The following ADGRB3 variants were observed in gnomAD, a reference collection of about 807,000 sequenced individuals.
The protein encoded by ADGRB3 is adhesion G protein-coupled receptor B3, also known as brain-specific angiogenesis inhibitor 3.
A neutral mutation model predicts 193.4 loss-of-function variants in ADGRB3; 37 were observed. The observed-to-expected ratio is 0.19, with a 90% CI of 0.15 to 0.25. The LOEUF (loss-of-function observed/expected upper bound fraction) is 0.25. Among genes scored for constraint, ADGRB3 ranks in the 10% least tolerant of loss-of-function variants. The probability of loss-of-function intolerance (pLI) is 1.00; values close to 1 mark genes in which losing one functional copy is unlikely to be tolerated. For missense variants in ADGRB3, 1,637 were observed against 1,852.9 expected (o/e 0.88, Z 2.14); for synonymous variants, 690 against 644.2 (o/e 1.07, Z -1.08).
chr6:68,674,505 G>A (rs1769039946), intron 3 of ADGRB3, among the ~76,000 whole-genome samples: 1 of 151,972 alleles, frequency 6.6e-6, no homozygotes, highest in Non-Finnish European at 1.5e-5. Context: ...CACTTATTAG[G>A]CGTGACAAAG....
chr6:69,358,865 C>T (rs1769386226), intron 28 of ADGRB3, among the ~76,000 whole-genome samples: 3 of 151,740 alleles, frequency 2.0e-5, no homozygotes, highest in African/African-American at 7.3e-5. Context: ...AGGCATTTCT[C>T]TCGTATAGAG....
chr6:69,015,666 G>A (rs527305563), intron 12 of ADGRB3, among the ~76,000 whole-genome samples: 4 of 152,014 alleles, frequency 2.6e-5, no homozygotes, highest in Admixed American at 2.6e-4. Context: ...ACAGACCTCT[G>A]TGTACGTTTG....
chr6:69,074,054 G>A (rs1299099546), intron 16 of ADGRB3, among the ~76,000 whole-genome samples: 1 of 151,906 alleles, frequency 6.6e-6, no homozygotes. Context: ...TTCAATTTAT[G>A]ACTAAATTTC....
intron 17 of ADGRB3, among the ~76,000 whole-genome samples, chr6:69,116,781 G>A (rs1773544121): frequency 6.6e-6 from 1 of 152,194 alleles, no homozygotes; most frequent in South Asian, 2.1e-4. Flanking sequence ...TTGGGCAGGT[G>A]GCTCATTGCC....
At chr6:69,376,211 C>T (rs963549375) in intron 30 of ADGRB3, among the ~76,000 whole-genome samples, 4 of 149,920 alleles carry the variant, frequency 2.7e-5, no homozygotes, top group South Asian at 4.2e-4. Context: ...TCATGTCAGC[C>T]TCCTAGTAGC....
At position 69,200,218 on chromosome 6, in the gene ADGRB3, G is replaced by T. The variant is rs1765391095; in HGVS notation, c.2481-33072G>T. Among the ~76,000 whole-genome samples, 4 of 151,888 alleles carry T rather than the reference G, an allele frequency of 2.6e-5. No individual in the cohort carries two copies. The South Asian group carries it at 8.3e-4, about 32-fold the overall frequency. ...AACATGAAGTTTCAAGAAAATGAGA[G>T]AGAAAAGCTGAAGGGTTACAGGGTT... On this transcript the variant is annotated intron_variant, in intron 17 of 31. Coordinates refer to ENST00000370598, the MANE Select transcript of ADGRB3 (RefSeq NM_001704.3).
rs1343369494 is a variant in ADGRB3 at position 68,975,311 on chromosome 6, T to A, written c.1705T>A (p.Ser569Thr). 13 of 1,613,942 alleles carry A rather than the reference T, an allele frequency of 8.1e-6. No individual in the cohort carries two copies. The highest frequency in any genetic ancestry group is 1.1e-5 in the Non-Finnish European group (13 of 1,179,878). Residue 569 changes from serine to threonine, a missense_variant, in exon 10 of 32, where the codon TCA becomes ACA. Transcript: ENST00000370598. ...WEQPSFARCI[S>T]NEYRHLQHSI... ...ACAGCCGAGCTTTGCAAGATGCATA[T>A]CAAATGAGTACAGACACTTGCAGCA... is the stretch of plus-strand genomic sequence containing the variant.
intron 17 of ADGRB3, among the ~76,000 whole-genome samples, chr6:69,123,892 CT>C (rs1310129715): frequency 2.0e-5 from 3 of 152,080 alleles, no homozygotes; most frequent in African/African-American, 7.2e-5. Context: ...TTTATAAGGA[CT>C]TAATTACTTG....
In ADGRB3 at chr6:68,854,717, T is replaced by C. The variant is rs187328391; in HGVS notation, c.758-75842T>C. 3.3e-5 allele frequency among the ~76,000 whole-genome samples: 5 copies of C among 152,284 alleles called. No homozygotes were observed. In the East Asian group the frequency reaches 9.7e-4, roughly 29 times the overall value. On this transcript the variant is annotated intron_variant, in intron 3 of 31. Transcript: ENST00000370598. ...GTCTGAACTTCTAGATCTTATCCAC[T>C]GAATACCTCACTCTAATCATTCTCT...
chr6:68,690,418 G>C (rs1206950565), intron 3 of ADGRB3, among the ~76,000 whole-genome samples: 2 of 152,028 alleles, frequency 1.3e-5, no homozygotes, highest in East Asian at 3.9e-4. Flanking sequence ...TAGGAGAAAT[G>C]CCCTTTTTGT....
At chr6:69,257,938 T>C (rs575132354) in intron 20 of ADGRB3, among the ~76,000 whole-genome samples, 1 of 152,284 alleles carries the variant, frequency 6.6e-6, no homozygotes, top group South Asian at 2.1e-4. Context: ...TGTAGAAACG[T>C]GGTTGTTATC....
At chr6:69,152,677 C>A (rs1265831101) in intron 17 of ADGRB3, among the ~76,000 whole-genome samples, 1 of 152,114 alleles carries the variant, frequency 6.6e-6, no homozygotes, top group Non-Finnish European at 1.5e-5. Flanking sequence ...GTATATGCTA[C>A]TGTTTTATAA....
chr6:69,235,591 T>A (rs1766244698), intron 19 of ADGRB3, among the ~76,000 whole-genome samples: 1 of 152,076 alleles, frequency 6.6e-6, no homozygotes, highest in Non-Finnish European at 1.5e-5. Context: ...TAGTGAACCC[T>A]TCTATGCTAT....
At chr6:68,968,241 A>G (rs1006973869) in intron 8 of ADGRB3, among the ~76,000 whole-genome samples, 12 of 152,134 alleles carry the variant, frequency 7.9e-5, no homozygotes, top group Non-Finnish European at 1.8e-4. Flanking sequence ...CTGGCTCACT[A>G]GTGCCATCTA....
At chr6:69,244,550 A>G (rs1049064911) in intron 20 of ADGRB3, among the ~76,000 whole-genome samples, 10 of 152,050 alleles carry the variant, frequency 6.6e-5, no homozygotes, top group African/African-American at 2.2e-4. Context: ...AATATTGAAC[A>G]TGTATTTACA....
intron 17 of ADGRB3, among the ~76,000 whole-genome samples, chr6:69,225,392 T>C (rs919876530): frequency 1.3e-5 from 2 of 152,192 alleles, no homozygotes; most frequent in African/African-American, 2.4e-5. Context: ...ATTACTAGTT[T>C]TCTTTCACCA....
At chr6:68,941,981 G>T in intron 5 of ADGRB3, among the ~76,000 whole-genome samples, 2 of 149,158 alleles carry the variant, frequency 1.3e-5, no homozygotes, top group South Asian at 2.1e-4. Flanking sequence ...AAATTTTATG[G>T]GAAAAAAGTA....
rs181076271 is a variant in ADGRB3 at position 69,369,006 on chromosome 6, A to G, written c.4240-3400A>G. ...GATTATTTACGTTAGGTTATTTGCA[A>G]AATTGGAATATATGTACAGAGGGAT... On this transcript the variant is annotated intron_variant, in intron 29 of 31. Coordinates refer to ENST00000370598, the MANE Select transcript of ADGRB3 (RefSeq NM_001704.3). Among the ~76,000 whole-genome samples, 4 of 152,264 alleles carry G rather than the reference A, an allele frequency of 2.6e-5. No homozygotes were observed. The East Asian group carries it at 7.7e-4, about 29-fold the overall frequency.
In ADGRB3 at chr6:69,074,911, A is replaced by G. The variant is rs1772184851; in HGVS notation, c.2437-1084A>G. The stretch of plus-strand genomic sequence containing the variant: ...ATCAATGACCAGGTTGGATGAAGGC[A>G]TAGATAATCATGTTTGTTTGTTTAA... On this transcript the variant is annotated intron_variant, in intron 16 of 31. Coordinates refer to ENST00000370598, the MANE Select transcript of ADGRB3 (RefSeq NM_001704.3). Among the ~76,000 whole-genome samples, 6 of 152,276 alleles carry G rather than the reference A, an allele frequency of 3.9e-5. No individual in the cohort carries two copies. In the South Asian group the frequency reaches 6.2e-4, roughly 16 times the overall value.
Sources: gnomAD v4.1 joint callset for allele counts (sites outside exome capture counted in the v4.1 genomes callset) on GRCh38, gnomAD v4.1.1 for gene constraint, MANE v1.5 for transcripts, NCBI Gene and HGNC (gene_info 2026-07-23, HGNC 2026-07-21) for gene names.